INVS: variants seen among roughly 807,000 people sequenced by gnomAD.
INVS encodes the protein inversin.
INVS carries 86 observed loss-of-function variants against 108.8 expected under a neutral mutation model. The ratio of observed to expected loss-of-function variants is 0.79; its 90% CI spans 0.66 to 0.95. INVS has a LOEUF of 0.95. Among genes scored for constraint, INVS ranks in the 40% least tolerant of loss-of-function variants. The pLI is 0.00. For synonymous variants in INVS, 455 were observed against 473.5 expected, an observed-to-expected ratio of 0.96 and a Z score of 0.51; for missense variants, 1,169 against 1,297.4, an observed-to-expected ratio of 0.90 and a Z score of 1.52.
chr9:100,192,366 AT>A (rs1013148061), intron 3 of INVS, among the ~76,000 whole-genome samples: 3 of 152,040 alleles, frequency 2.0e-5, no homozygotes, highest in African/African-American at 7.2e-5. Context: ...ATTGTTGCAC[AT>A]ATCATAGCTT....
Position 100,266,213 on chromosome 9 carries a change from C to T in INVS, c.1571+1285C>T, listed in dbSNP as rs1832788956. 2.0e-5 allele frequency among the ~76,000 whole-genome samples: 3 copies of T among 152,104 alleles called. No homozygotes were observed. In the South Asian group the frequency reaches 6.2e-4, roughly 32 times the overall value. On this transcript the variant is annotated intron_variant, in intron 11 of 16. Coordinates refer to ENST00000262457, the MANE Select transcript of INVS (RefSeq NM_014425.5). ...CACTTCCATACCTGAGGTCCTGTTA[C>T]AGGAAAGGGGTCCCGATCCAGACCC...
chr9:100,294,709 C>T (rs1833736823), intron 14 of INVS, among the ~76,000 whole-genome samples: 1 of 152,090 alleles, frequency 6.6e-6, no homozygotes, highest in Admixed American at 6.5e-5. Context: ...TGGAGGTGGG[C>T]CCCATGCACT....
chr9:100,270,042 A>G (rs941448003), intron 11 of INVS, among the ~76,000 whole-genome samples: 3 of 152,218 alleles, frequency 2.0e-5, no homozygotes, highest in Non-Finnish European at 4.4e-5. Flanking sequence ...GCTTAGAGAT[A>G]TAAAGTAAGT....
chr9:100,138,700 CTTTT>C (rs36096327), intron 3 of INVS, among the ~76,000 whole-genome samples: 1 of 124,936 alleles, frequency 8.0e-6, no homozygotes, highest in Non-Finnish European at 1.6e-5. Flanking sequence ...TGATGGTTTC[CTTTT>C]TTTTTTTTTT....
intron 8 of INVS, among the ~76,000 whole-genome samples, chr9:100,248,051 C>T (rs1032796918): frequency 6.6e-6 from 1 of 152,072 alleles, no homozygotes; most frequent in Admixed American, 6.6e-5. Context: ...CTTCTGAGCT[C>T]AAGCAATCCA....
At chr9:100,278,118 TCCC>T (rs1319613800) in intron 12 of INVS, among the ~76,000 whole-genome samples, 1 of 148,758 alleles carries the variant, frequency 6.7e-6, no homozygotes, top group Non-Finnish European at 1.5e-5. Context: ...ATACCTGTAG[TCCC>T]AGCTACTAGG....
In INVS at chr9:100,117,241, C is replaced by G. The variant is rs982950626; in HGVS notation, c.107-9142C>G. On this transcript the variant is annotated intron_variant, in intron 2 of 16. Transcript: ENST00000262457. Reference sequence around the variant, plus strand: ...CCAGACCGACGTGGCCGTTGTAGTCCCCGATAGCAACAAACGCTTTGAACC... The same window carrying G: ...CCAGACCGACGTGGCCGTTGTAGTCGCCGATAGCAACAAACGCTTTGAACC... The G allele has an allele frequency of 1.1e-5, 9 of 848,490 alleles. No individual in the cohort carries two copies. In the African/African-American group the frequency reaches 1.3e-4, roughly 12 times the overall value. 52.6% of individuals were successfully genotyped at this position (848,490 alleles called of 1,614,324 possible).
At chr9:100,150,439 A>G (rs958831994) in intron 3 of INVS, among the ~76,000 whole-genome samples, 2 of 152,208 alleles carry the variant, frequency 1.3e-5, no homozygotes, top group Non-Finnish European at 2.9e-5. Flanking sequence ...TTGAATTTCG[A>G]TGAAACCTAC....
At chr9:100,173,983 A>G (rs1341377687) in intron 3 of INVS, among the ~76,000 whole-genome samples, 1 of 152,242 alleles carries the variant, frequency 6.6e-6, no homozygotes, top group Admixed American at 6.5e-5. Context: ...AAAACAAAAA[A>G]TGAATAGTCT....
At position 100,104,542 on chromosome 9, in the gene INVS, G is replaced by A. The variant is rs1827109834; in HGVS notation, c.21G>A (p.Leu7=). ...AGACTATGAACAAGTCAGAGAACCTGCTGTTTGCTGGTTCATCATTAGCAT... is the reference window on the plus strand; with the variant it reads ...AGACTATGAACAAGTCAGAGAACCTACTGTTTGCTGGTTCATCATTAGCAT... The part of the protein sequence containing the change: MNKSEN[L]LFAGSSLASQ... The change falls in exon 2 of 17, where the codon CTG becomes CTA. Residue 7 remains leucine (L), a synonymous_variant. Coordinates refer to ENST00000262457, the MANE Select transcript of INVS (RefSeq NM_014425.5). 6.2e-7 allele frequency: 1 copy of A among 1,613,866 alleles called. No individual in the cohort carries two copies. The highest frequency in any genetic ancestry group is 1.7e-5 in the Admixed American group (1 of 59,994).
intron 12 of INVS, among the ~76,000 whole-genome samples, chr9:100,276,655 T>C (rs1308408130): frequency 1.3e-5 from 2 of 152,036 alleles, no homozygotes; most frequent in African/African-American, 4.8e-5. Flanking sequence ...ATTACAGGTG[T>C]GTGCCACCAC....
At chr9:100,148,190 A>G (rs547338020) in intron 3 of INVS, among the ~76,000 whole-genome samples, 35 of 152,236 alleles carry the variant, frequency 2.3e-4, no homozygotes, top group Admixed American at 1.7e-3. Context: ...AAACAGAAAT[A>G]AAAAACCAAA....
At chr9:100,101,615 C>A (rs1388221763) in intron 1 of INVS, 1 of 152,140 alleles carries the variant, frequency 6.6e-6, no homozygotes, top group African/African-American at 2.4e-5. Context: ...TTAATATGTT[C>A]TCTCAAGGGC....
chr9:100,153,158 C>G (rs1400710694), intron 3 of INVS, among the ~76,000 whole-genome samples: 1 of 147,378 alleles, frequency 6.8e-6, no homozygotes, highest in Non-Finnish European at 1.5e-5. Flanking sequence ...GGAAAACTTT[C>G]TATCTGCAAG....
Position 100,175,298 on chromosome 9 carries a change from T to A in INVS, c.273+48749T>A. On this transcript the variant is annotated intron_variant, in intron 3 of 16. Transcript: ENST00000262457. ...AACAAACTATCCATCCTTGCATATA[T>A]CTTCTGCTGAGATGCCTCACACAGA... is the stretch of plus-strand genomic sequence containing the variant. 4.3e-6 allele frequency: 3 copies of A among 697,112 alleles called. No individual in the cohort carries two copies. The South Asian group carries it at 4.4e-5, about 10-fold the overall frequency. The allele number at this position is 697,112 out of a possible 1,614,324, so 43.2% of individuals were successfully genotyped here. A position where few individuals can be genotyped will look rare whatever the true frequency, so the allele number is the denominator to read the frequency against.
chr9:100,135,801 A>G (rs1395034312), intron 3 of INVS, among the ~76,000 whole-genome samples: 1 of 152,128 alleles, frequency 6.6e-6, no homozygotes, highest in East Asian at 1.9e-4. Flanking sequence ...AGTTATTAGT[A>G]TACATATAGA....
chr9:100,291,071 A>T (rs998448419), intron 13 of INVS, among the ~76,000 whole-genome samples: 18 of 144,832 alleles, frequency 1.2e-4, no homozygotes, highest in East Asian at 2.1e-4. Flanking sequence ...TTTATTAAGA[A>T]TTTTTTTTTT....
chr9:100,104,597 G>C lies in INVS; in HGVS notation c.76G>C (p.Asp26His). 6.2e-7 allele frequency: 1 copy of C among 1,613,966 alleles called. No individual in the cohort carries two copies. Among genetic ancestry groups the C allele is most frequent in the Non-Finnish European group, 8.5e-7 (1 of 1,179,842 alleles). ...AGTCCATGCTGCTGCCGTTAATGGA[G>C]ATAAGGGTGCTCTACAGAGGCTCAT... is the stretch of plus-strand genomic sequence containing the variant. Reference protein sequence around the residue: ...SQVHAAAVNGDKGALQRLIVG... With the variant: ...SQVHAAAVNGHKGALQRLIVG... Residue 26 changes from aspartate to histidine, a missense_variant, in exon 2 of 17, where the codon GAT (aspartate) becomes CAT (histidine). Asp to His is a moderately conservative substitution (Grantham distance 81, BLOSUM62 -1). Coordinates refer to ENST00000262457, the MANE Select transcript of INVS (RefSeq NM_014425.5).
chr9:100,201,580 A>T (rs1248945320), intron 3 of INVS, among the ~76,000 whole-genome samples: 1 of 152,190 alleles, frequency 6.6e-6, no homozygotes, highest in African/African-American at 2.4e-5. Flanking sequence ...TCTCCTTTCC[A>T]TCTGCAAAGA....
Sources: gnomAD v4.1 joint callset for allele counts (sites outside exome capture counted in the v4.1 genomes callset) on GRCh38, gnomAD v4.1.1 for gene constraint, MANE v1.5 for transcripts, NCBI Gene and HGNC (gene_info 2026-07-23, HGNC 2026-07-21) for gene names.